Variants in ZNF141 observed in about 807,000 individuals in gnomAD.
ZNF141 encodes the protein zinc finger protein 141.
A neutral mutation model predicts 11.3 loss-of-function variants in ZNF141; 7 were observed. That is an observed-to-expected ratio of 0.62 (90% CI 0.35 to 1.16). ZNF141 has a LOEUF of 1.16. Among genes scored for constraint, ZNF141 ranks in the 50% most tolerant of loss-of-function variants. The pLI, the probability that ZNF141 is intolerant of heterozygous loss-of-function variation, is 0.02. For synonymous variants in ZNF141, 183 were observed against 190.7 expected (o/e 0.96, Z 0.33); for missense variants, 535 against 554.0 (o/e 0.97, Z 0.34).
chr4:343,759 C>T (rs1553848927), intron 1 of ZNF141, 23 bp from the exon 2 acceptor site: 1 of 1,408,910 alleles, frequency 7.1e-7, no homozygotes, highest in Non-Finnish European at 9.7e-7. Context: ...GAACTATGTC[C>T]CTTGATATAT....
intron 3 of ZNF141, among the ~76,000 whole-genome samples, chr4:363,447 G>A (rs1553852491): frequency 6.6e-6 from 1 of 152,176 alleles, no homozygotes; most frequent in Non-Finnish European, 1.5e-5. Flanking sequence ...TCCCTGTCTT[G>A]TGCCAGTTTT....
intron 3 of ZNF141, among the ~76,000 whole-genome samples, chr4:368,825 CT>C (rs1308757752): frequency 3.2e-4 from 48 of 152,208 alleles, no homozygotes; most frequent in African/African-American, 1.1e-3. Context: ...CATTGTTACT[CT>C]TTTTGAAGAT....
chr4:369,307 G>C (rs1553853231), intron 3 of ZNF141, among the ~76,000 whole-genome samples: 2 of 152,084 alleles, frequency 1.3e-5, no homozygotes, highest in East Asian at 1.9e-4. Flanking sequence ...TTATGAAATA[G>C]AGTTTTTGAC....
Position 374,972 on chromosome 4 carries a change from T to C in ZNF141, c.*1110T>C, listed in dbSNP as rs911445657. The C allele has an allele frequency of 1.3e-5, 2 of 152,178 alleles. No homozygotes were observed. The highest frequency in any genetic ancestry group is 4.8e-5 in the African/African-American group (2 of 41,442). 9.4% of individuals were successfully genotyped at this position (152,178 alleles called of 1,614,324 possible). On this transcript the variant is annotated 3_prime_UTR_variant, in exon 4 of 4. Coordinates refer to ENST00000240499, the MANE Select transcript of ZNF141 (RefSeq NM_003441.4). ...AAATGTGGCAAAGCCTTCAAATGCT[T>C]GTCACATCTTACTGTATATATATAA...
In ZNF141 at chr4:375,424, G is replaced by A. The variant is rs1364083294; in HGVS notation, c.*1562G>A. Among the ~76,000 whole-genome samples, 2 of 152,006 alleles carry A rather than the reference G, an allele frequency of 1.3e-5. No individual in the cohort carries two copies. The highest frequency in any genetic ancestry group is 2.4e-5 in the African/African-American group (1 of 41,424). Reference sequence around the variant, plus strand: ...GTGGAAAAACATTTGTTCAAAAACTGCAGCTTAAACAGTTTACACTAGAAA... The same window carrying A: ...GTGGAAAAACATTTGTTCAAAAACTACAGCTTAAACAGTTTACACTAGAAA... On this transcript the variant is annotated 3_prime_UTR_variant, in exon 4 of 4. Coordinates refer to ENST00000240499, the MANE Select transcript of ZNF141 (RefSeq NM_003441.4).
rs1553853771 is a variant in ZNF141, at chr4:372,827, T to C, written c.390T>C (p.Tyr130=). The change falls in exon 4 of 4, where the codon TAT becomes TAC. Residue 130 remains tyrosine (Y), a synonymous_variant. Coordinates refer to ENST00000240499, the MANE Select transcript of ZNF141 (RefSeq NM_003441.4). ...LNECKLQKGG[Y]NEFNECLSTT... is the part of the protein sequence containing the mutation. ...AGTGTAAGTTGCAGAAAGGAGGTTA[T>C]AATGAATTTAATGAATGCTTGTCAA... The C allele has an allele frequency of 6.2e-7, 1 of 1,613,096 alleles. No individual in the cohort carries two copies. Among genetic ancestry groups the C allele is most frequent in the South Asian group, 1.1e-5 (1 of 91,032 alleles).
At chr4:354,281 A>G (rs1188059207) in intron 3 of ZNF141, among the ~76,000 whole-genome samples, 1 of 152,132 alleles carries the variant, frequency 6.6e-6, no homozygotes, top group Non-Finnish European at 1.5e-5. Flanking sequence ...TTCCCCCCAC[A>G]GACCCTCTCT....
intron 3 of ZNF141, among the ~76,000 whole-genome samples, chr4:370,954 A>T (rs1169759555): frequency 1.3e-5 from 2 of 150,818 alleles, no homozygotes; most frequent in African/African-American, 2.4e-5. Flanking sequence ...GGATGGTCTC[A>T]CTCTCCTGAC....
chr4:338,357 C>T (rs1183221875), intron 1 of ZNF141: 2 of 237,708 alleles, frequency 8.4e-6, no homozygotes, highest in South Asian at 4.8e-5. Context: ...ATCGAGGCCC[C>T]ATCAAAACAG....
chr4:361,667 G>A (rs1396365602), intron 3 of ZNF141, among the ~76,000 whole-genome samples: 1 of 151,998 alleles, frequency 6.6e-6, no homozygotes, highest in Non-Finnish European at 1.5e-5. Context: ...TCAGAATGAT[G>A]GTTTCCATCT....
chr4:369,766 T>TTATA (rs1560196889), intron 3 of ZNF141, among the ~76,000 whole-genome samples: 1 of 33,066 alleles, frequency 3.0e-5, no homozygotes. Context: ...ATATATATAT[T>TTATA]TTTTTTTTTT....
In ZNF141 at chr4:337,819, T is replaced by A. The variant is rs1720853192; in HGVS notation, c.-165T>A. On this transcript the variant is annotated 5_prime_UTR_variant, in exon 1 of 4. Coordinates refer to ENST00000240499, the MANE Select transcript of ZNF141 (RefSeq NM_003441.4). ...GCTTCCGGGATGTGGCGCGGGTCTT[T>A]GCGTCTGGCTACTACCAGACCGCGG... The A allele has an allele frequency of 3.6e-6, 3 of 842,564 alleles. No individual in the cohort carries two copies. The highest frequency in any genetic ancestry group is 2.1e-5 in the Admixed American group (1 of 47,572). The allele number at this position is 842,564 out of a possible 1,614,324, so 52.2% of individuals were successfully genotyped here.
intron 1 of ZNF141, among the ~76,000 whole-genome samples, chr4:340,614 G>A (rs1386590980): frequency 1.3e-5 from 2 of 152,188 alleles, no homozygotes; most frequent in African/African-American, 4.8e-5. Context: ...TATGTCCTGG[G>A]ATTTGAGAGA....
chr4:365,120 G>C (rs542109441), intron 3 of ZNF141, among the ~76,000 whole-genome samples: 1 of 152,236 alleles, frequency 6.6e-6, no homozygotes. Context: ...GGCTCTGTGG[G>C]TGTGGGACCT....
At chr4:366,301 A>G (rs1346721603) in intron 3 of ZNF141, among the ~76,000 whole-genome samples, 1 of 151,918 alleles carries the variant, frequency 6.6e-6, no homozygotes, top group Non-Finnish European at 1.5e-5. Flanking sequence ...TCAGTTTTTT[A>G]TCAATTTTGT....
chr4:352,697 C>G (rs1048400227), intron 3 of ZNF141, among the ~76,000 whole-genome samples: 12 of 152,208 alleles, frequency 7.9e-5, no homozygotes, highest in Admixed American at 2.6e-4. Context: ...TACCAAGATT[C>G]ACTACCCACC....
chr4:346,893 A>ACACACACACACC (rs373224939), intron 3 of ZNF141, among the ~76,000 whole-genome samples: 6 of 135,484 alleles, frequency 4.4e-5, no homozygotes, highest in African/African-American at 1.9e-4. Context: ...ACACACACAC[A>ACACACACACACC]CCGCCCCCCC....
At chr4:359,481 A>G (rs1722009643) in intron 3 of ZNF141, among the ~76,000 whole-genome samples, 1 of 152,144 alleles carries the variant, frequency 6.6e-6, no homozygotes, top group South Asian at 2.1e-4. Flanking sequence ...AAACTAATTC[A>G]TAGGGCTGCT....
intron 3 of ZNF141, among the ~76,000 whole-genome samples, chr4:345,750 A>AAT (rs1560182129): frequency 6.6e-6 from 1 of 150,736 alleles, no homozygotes; most frequent in Non-Finnish European, 1.5e-5. Context: ...AAAAAAAAAA[A>AAT]GTTTTTGAAA....
Sources: allele counts gnomAD v4.1 joint callset (sites outside exome capture counted in the v4.1 genomes callset), GRCh38; gene constraint gnomAD v4.1.1; transcripts MANE v1.5; gene names NCBI Gene and HGNC (gene_info 2026-07-23, HGNC 2026-07-21).